The following C3orf52 variants were observed in gnomAD, a reference collection of about 807,000 sequenced individuals.
C3orf52 encodes TPA-induced transmembrane protein.
Under a neutral mutation model 24.8 loss-of-function variants are expected in C3orf52, and 22 were observed. The ratio of observed to expected loss-of-function variants is 0.89; its 90% confidence interval spans 0.63 to 1.27. The LOEUF (loss-of-function observed/expected upper bound fraction) is 1.27. Among genes scored for constraint, C3orf52 ranks in the 50% most tolerant of loss-of-function variants. The probability of loss-of-function intolerance (pLI) is 0.00; values close to 1 mark genes in which losing one functional copy is unlikely to be tolerated. For missense variants in C3orf52, 265 were observed against 260.7 expected, an observed-to-expected ratio of 1.02 and a Z score of -0.11; for synonymous variants, 93 against 100.2, an observed-to-expected ratio of 0.93 and a Z score of 0.43.
rs751337492 is a variant in C3orf52, at chr3:112,086,500, C to G, written c.93C>G (p.Ala31=). The stretch of plus-strand genomic sequence containing the variant: ...AAGAGAACACGCCTCTCAATGGTGC[C>G]GACAAGGTCTTCCCTTCTTTGGACG... The part of the protein sequence containing the change: ...QPEENTPLNG[A]DKVFPSLDEE... Residue 31 remains alanine, a synonymous_variant, in exon 1 of 6, where the codon GCC becomes GCG. Transcript: ENST00000264848. 1.9e-6 allele frequency: 3 copies of G among 1,551,478 alleles called. No individual in the cohort carries two copies.
chr3:112,123,734 A>G lies in C3orf52; in HGVS notation c.*46+4172A>G, dbSNP rs756927838. 5 of 1,614,062 alleles carry G rather than the reference A, an allele frequency of 3.1e-6. No homozygotes were observed. In the East Asian group the frequency reaches 6.7e-5, roughly 22 times the overall value. ...AGAGAACCCGATGATTGATGAGGGT[A>G]TAGCACAGCTCCTCTGAGTAGGTCT... On this transcript the variant is annotated intron_variant, in intron 4 of 4. Coordinates refer to the C3orf52 transcript ENST00000480282.
chr3:112,090,793 A>G (rs544101185), intron 1 of C3orf52, among the ~76,000 whole-genome samples: 5 of 152,124 alleles, frequency 3.3e-5, no homozygotes, highest in Non-Finnish European at 7.4e-5. Flanking sequence ...GAAACTAGAT[A>G]TTTCCTTTTG....
At chr3:112,096,514 C>T (rs1036656955) in intron 2 of C3orf52, among the ~76,000 whole-genome samples, 2 of 152,188 alleles carry the variant, frequency 1.3e-5, no homozygotes, top group East Asian at 3.8e-4. Context: ...ATACATGCAA[C>T]AGTAGATGAA....
At chr3:112,114,547 T>C (rs1262016866) in intron 5 of C3orf52, among the ~76,000 whole-genome samples, 1 of 151,524 alleles carries the variant, frequency 6.6e-6, no homozygotes, top group Admixed American at 6.6e-5. Context: ...CTACTAAAAA[T>C]ACAAAAATTA....
chr3:112,126,982 CT>C, intron 4 of C3orf52: 1 of 1,572,732 alleles, frequency 6.4e-7, no homozygotes, highest in Non-Finnish European at 8.7e-7. Context: ...AAATCAATGA[CT>C]TACTTTCGTT....
chr3:112,135,552 G>C (rs917023941), downstream of C3orf52, among the ~76,000 whole-genome samples: 5 of 151,958 alleles, frequency 3.3e-5, no homozygotes, highest in Non-Finnish European at 7.4e-5. Flanking sequence ...GGATTTCCAG[G>C]AGCACCTTAT....
At chr3:112,087,328 T>G (rs549907235) in intron 1 of C3orf52, among the ~76,000 whole-genome samples, 1 of 152,232 alleles carries the variant, frequency 6.6e-6, no homozygotes, top group Non-Finnish European at 1.5e-5. Flanking sequence ...CAAGCTCTTT[T>G]CTGATTCATC....
In C3orf52 at chr3:112,116,881, T is replaced by G; in HGVS notation, c.*235T>G. The G allele has an allele frequency of 2.0e-6, 3 of 1,537,296 alleles. No individual in the cohort carries two copies. The highest frequency in any genetic ancestry group is 2.6e-6 in the Non-Finnish European group (3 of 1,146,886). Reference sequence around the variant, plus strand: ...GTCTTGACAAAGGCAGGAAGCCAGCTAGGGTGGGGGCGATAGGGTCAGCGG... The same window carrying G: ...GTCTTGACAAAGGCAGGAAGCCAGCGAGGGTGGGGGCGATAGGGTCAGCGG... On this transcript the variant is annotated 3_prime_UTR_variant, in exon 6 of 6. Coordinates refer to ENST00000264848, the MANE Select transcript of C3orf52 (RefSeq NM_024616.3).
At chr3:112,133,271 G>C, downstream of C3orf52, 1 of 785,932 alleles carries the variant, frequency 1.3e-6, no homozygotes, top group South Asian at 1.6e-5. Context: ...TGTCTCTGCA[G>C]AGGGAAGGAA....
At chr3:112,127,996 TA>T in intron 4 of C3orf52, 2 of 1,610,122 alleles carry the variant, frequency 1.2e-6, no homozygotes, top group Non-Finnish European at 1.7e-6. Context: ...AAATAACTCC[TA>T]AAAACAACTG....
intron 2 of C3orf52, among the ~76,000 whole-genome samples, chr3:112,100,388 C>A (rs973981770): frequency 6.6e-6 from 1 of 152,190 alleles, no homozygotes; most frequent in Non-Finnish European, 1.5e-5. Flanking sequence ...ATAAGTATAG[C>A]CCAGATTATC....
intron 5 of C3orf52, among the ~76,000 whole-genome samples, chr3:112,115,238 C>G: frequency 6.6e-6 from 1 of 152,054 alleles, no homozygotes; most frequent in South Asian, 2.1e-4. Flanking sequence ...GAAGGGTGCA[C>G]AGAGAAGCAG....
intron 4 of C3orf52, chr3:112,127,020 T>C (rs780253672): frequency 6.3e-7 from 1 of 1,586,694 alleles, no homozygotes; most frequent in African/African-American, 1.3e-5. Context: ...TTTTCAAAAA[T>C]GAGTATTTTT....
downstream of C3orf52, chr3:112,133,010 G>T: frequency 7.0e-7 from 1 of 1,424,634 alleles, no homozygotes. Context: ...TGTGCTAACT[G>T]TATACTAGCT....
intron 2 of C3orf52, 105 bp from the exon 3 acceptor site, chr3:112,102,733 C>A: frequency 1.9e-6 from 2 of 1,073,060 alleles, no homozygotes; most frequent in Non-Finnish European, 2.6e-6. Flanking sequence ...ACCCTTGATG[C>A]TCATAGTTAT....
At chr3:112,123,366 G>A in intron 4 of C3orf52, 1 of 1,546,264 alleles carries the variant, frequency 6.5e-7, no homozygotes, top group South Asian at 1.3e-5. Context: ...TAAGCTGGAG[G>A]GACTTTGTGT....
intron 3 of C3orf52, among the ~76,000 whole-genome samples, chr3:112,108,522 A>G (rs2074048931): frequency 1.3e-5 from 2 of 152,242 alleles, no homozygotes; most frequent in African/African-American, 4.8e-5. Context: ...GCATGGAGAC[A>G]TTAAGGATGA....
chr3:112,113,126 A>T lies in C3orf52; in HGVS notation c.630A>T (p.Pro210=), dbSNP rs772362737. ...IPGCESLGLD[P]TSLLLYE ...GTTGTGAGAGTCTGGGGCTTGATCC[A>T]ACATCCCTCTTGCTCTATGGTAAGT... The change falls in exon 5 of 6, where the codon CCA becomes CCT. Residue 210 remains proline (P), a synonymous_variant. Coordinates refer to ENST00000264848, the MANE Select transcript of C3orf52 (RefSeq NM_024616.3). 13 of 1,608,636 alleles carry T rather than the reference A, an allele frequency of 8.1e-6. No individual in the cohort carries two copies. The highest frequency in any genetic ancestry group is 1.1e-5 in the Non-Finnish European group (13 of 1,177,710).
At chr3:112,133,365 T>C (rs2074504894), downstream of C3orf52, 4 of 449,002 alleles carry the variant, frequency 8.9e-6, no homozygotes, top group East Asian at 1.5e-4. Context: ...CTGTTGGCCA[T>C]AACCAGCAAC....
Sources: gnomAD v4.1 joint callset for allele counts (sites outside exome capture counted in the v4.1 genomes callset) on GRCh38, gnomAD v4.1.1 for gene constraint, MANE v1.5 for transcripts, NCBI Gene and HGNC (gene_info 2026-07-23, HGNC 2026-07-21) for gene names.